Variants in RP1 observed in about 807,000 individuals in gnomAD.
RP1 encodes the protein oxygen-regulated protein 1.
Under a neutral mutation model 14.8 loss-of-function variants are expected in RP1, and 16 were observed. The ratio of observed to expected loss-of-function variants is 1.08; its 90% CI spans 0.73 to 1.65. RP1 has a LOEUF of 1.65. Among genes scored for constraint, RP1 ranks in the 40% most tolerant of loss-of-function variants. The pLI is 0.00. For synonymous variants in RP1, 876 were observed against 883.6 expected (o/e 0.99, Z 0.15); for missense variants, 2,631 against 2,535.0 (o/e 1.04, Z -0.81).
intron 1 of RP1, among the ~76,000 whole-genome samples, chr8:54,566,095 T>C (rs752726689): frequency 2.0e-5 from 3 of 152,218 alleles, no homozygotes; most frequent in Non-Finnish European, 4.4e-5. Context: ...CACTCCAGGA[T>C]GACTCCGTCT....
At chr8:54,690,994 C>G (rs898203026) in intron 12 of RP1, among the ~76,000 whole-genome samples, 3 of 152,098 alleles carry the variant, frequency 2.0e-5, no homozygotes, top group South Asian at 4.1e-4. Flanking sequence ...CATGGCTACT[C>G]TTTGCCTATT....
intron 17 of RP1, among the ~76,000 whole-genome samples, chr8:54,730,203 T>TA (rs34058805): frequency 6.6e-6 from 1 of 152,058 alleles, no homozygotes; most frequent in Non-Finnish European, 1.5e-5. Context: ...TTTTGGCCTA[T>TA]AAAAAAGTCA....
chr8:54,697,277 G>A (rs1418039034), intron 12 of RP1: 3 of 569,588 alleles, frequency 5.3e-6, no homozygotes, highest in African/African-American at 3.8e-5. Context: ...GTACCTGGCC[G>A]GGCGTGATGG....
intron 24 of RP1, among the ~76,000 whole-genome samples, chr8:54,828,693 T>C (rs2129400299): frequency 6.6e-6 from 1 of 152,204 alleles, no homozygotes; most frequent in South Asian, 2.1e-4. Flanking sequence ...GTACTGTACA[T>C]AATTGTATGT....
At chr8:54,689,471 T>A (rs1807656137) in intron 12 of RP1, among the ~76,000 whole-genome samples, 1 of 152,006 alleles carries the variant, frequency 6.6e-6, no homozygotes. Flanking sequence ...TCTTGGGGCC[T>A]AAGTTGGCAT....
intron 24 of RP1, among the ~76,000 whole-genome samples, chr8:54,815,220 G>T (rs1322568568): frequency 6.6e-6 from 1 of 152,168 alleles, no homozygotes; most frequent in Non-Finnish European, 1.5e-5. Context: ...TAATGGATGT[G>T]TTTGTTACAT....
intron 3 of RP1, among the ~76,000 whole-genome samples, chr8:54,638,422 A>G (rs1806392215): frequency 7.2e-6 from 1 of 138,514 alleles, no homozygotes; most frequent in African/African-American, 2.6e-5. Flanking sequence ...TGGGCGACAG[A>G]GTGAGACTCC....
At chr8:54,760,780 C>T (rs565298296) in intron 22 of RP1, among the ~76,000 whole-genome samples, 82 of 152,154 alleles carry the variant, frequency 5.4e-4, no homozygotes, top group South Asian at 1.2e-3. Flanking sequence ...AGGACCTTTC[C>T]TTGCTCTCTT....
At position 54,621,429 on chromosome 8, in the gene RP1, A is replaced by G. The variant is rs879763820; in HGVS notation, c.463A>G (p.Ser155Gly). Reference protein sequence around the residue: ...AAPGMPRPPRSLVVFRNGDPK... With the variant: ...AAPGMPRPPRGLVVFRNGDPK... Reference sequence around the variant, plus strand: ...TCCCGGCATGCCCCGCCCCCCACGGAGCCTAGTGGTCTTCAGGAATGGCGA... The same window carrying G: ...TCCCGGCATGCCCCGCCCCCCACGGGGCCTAGTGGTCTTCAGGAATGGCGA... The change falls in exon 2 of 4, where the codon AGC (serine) becomes GGC (glycine). Residue 155 changes from serine (S) to glycine (G), a missense_variant. Physicochemically the swap from Ser to Gly is moderately conservative, Grantham distance 56. Coordinates refer to ENST00000220676, the MANE Select transcript of RP1 (RefSeq NM_006269.2). The G allele has an allele frequency of 6.2e-7, 1 of 1,613,328 alleles. No individual in the cohort carries two copies. The highest frequency in any genetic ancestry group is 1.3e-5 in the African/African-American group (1 of 74,802).
intron 7 of RP1, among the ~76,000 whole-genome samples, chr8:54,672,879 C>T (rs1807209179): frequency 1.3e-5 from 2 of 152,130 alleles, no homozygotes; most frequent in Non-Finnish European, 2.9e-5. Context: ...TTAGAGTTCT[C>T]TATATTGATT....
chr8:54,784,901 C>A (rs1810280358), intron 24 of RP1, among the ~76,000 whole-genome samples: 1 of 151,844 alleles, frequency 6.6e-6, no homozygotes, highest in South Asian at 2.1e-4. Flanking sequence ...TCATAACATT[C>A]ATTCATTTTT....
chr8:54,560,552 C>G (rs1804263013), intron 1 of RP1: 1 of 152,016 alleles, frequency 6.6e-6, no homozygotes, highest in Admixed American at 6.5e-5. Flanking sequence ...AACATGACGT[C>G]ACCGGTTTAT....
chr8:54,739,107 A>G, intron 19 of RP1: 1 of 1,044,566 alleles, frequency 9.6e-7, no homozygotes, highest in Non-Finnish European at 1.4e-6. Flanking sequence ...AAGCAGTGAA[A>G]ACGGTATTTT....
intron 24 of RP1, among the ~76,000 whole-genome samples, chr8:54,800,325 G>T (rs184473399): frequency 2.8e-3 from 418 of 151,592 alleles, no homozygotes; most frequent in African/African-American, 8.9e-3. Flanking sequence ...GTGTTGGGGG[G>T]GTGTGTGTAT....
chr8:54,852,097 C>T (rs1448695137), intron 25 of RP1, among the ~76,000 whole-genome samples: 2 of 152,010 alleles, frequency 1.3e-5, no homozygotes, highest in African/African-American at 4.8e-5. Flanking sequence ...TTTAAATTTG[C>T]ATCTCTCTAG....
rs1368244352 is a variant in RP1 at position 54,626,886 on chromosome 8, G to A, written c.3004G>A (p.Glu1002Lys). ...TTTTATTGCCAATGACACTGGTGAA[G>A]AAGATCTCCATGAGACACAGGTTGG... is the stretch of plus-strand genomic sequence containing the variant. ...KSFIANDTGE[E>K]DLHETQVGSL... Residue 1002 changes from glutamate (E) to lysine (K), a missense_variant, in exon 4 of 4, where the codon GAA becomes AAA. Transcript: ENST00000220676. The A allele has an allele frequency of 6.2e-7, 1 of 1,613,714 alleles. No homozygotes were observed. The highest frequency in any genetic ancestry group is 2.2e-5 in the East Asian group (1 of 44,884).
intron 12 of RP1, among the ~76,000 whole-genome samples, chr8:54,689,461 T>C (rs1432044842): frequency 1.3e-5 from 2 of 152,032 alleles, no homozygotes; most frequent in Non-Finnish European, 2.9e-5. Context: ...TTATTTCCTT[T>C]CTTGGGGCCT....
intron 1 of RP1, among the ~76,000 whole-genome samples, chr8:54,563,024 C>T (rs950097847): frequency 1.5e-4 from 23 of 152,190 alleles, no homozygotes; most frequent in African/African-American, 5.5e-4. Flanking sequence ...TCAAAGATGT[C>T]CCAGTAATGA....
At chr8:54,685,133 A>T (rs1413175658) in intron 12 of RP1, among the ~76,000 whole-genome samples, 1 of 152,094 alleles carries the variant, frequency 6.6e-6, no homozygotes, top group Non-Finnish European at 1.5e-5. Flanking sequence ...TGATTTTTTG[A>T]AGGGTTTTTT....
Sources: gnomAD v4.1 joint callset for allele counts (sites outside exome capture counted in the v4.1 genomes callset) on GRCh38, gnomAD v4.1.1 for gene constraint, MANE v1.5 for transcripts, NCBI Gene and HGNC (gene_info 2026-07-23, HGNC 2026-07-21) for gene names.